The following SEPTIN9 variants were observed in gnomAD, a reference collection of about 807,000 sequenced individuals.
SEPTIN9 encodes septin-9.
Under a neutral mutation model 56.6 loss-of-function variants are expected in SEPTIN9, and 13 were observed. The ratio of observed to expected loss-of-function variants is 0.23; its 90% CI spans 0.15 to 0.37. SEPTIN9 has a LOEUF of 0.37. SEPTIN9 is among the 10% of genes least tolerant of loss of function. The pLI, the probability that SEPTIN9 is intolerant of heterozygous loss-of-function variation, is 1.00. For synonymous variants in SEPTIN9, 332 were observed against 334.1 expected, an observed-to-expected ratio of 0.99 and a Z score of 0.07; for missense variants, 650 against 823.1, an observed-to-expected ratio of 0.79 and a Z score of 2.57.
At chr17:77,344,696 G>A (rs1388606841) in intron 2 of SEPTIN9, among the ~76,000 whole-genome samples, 1 of 152,214 alleles carries the variant, frequency 6.6e-6, no homozygotes, top group African/African-American at 2.4e-5. Flanking sequence ...GAGAGGCCAG[G>A]TGTGGTGGCT....
chr17:77,339,866 C>A (rs372113253), intron 2 of SEPTIN9, among the ~76,000 whole-genome samples: 21 of 151,822 alleles, frequency 1.4e-4, no homozygotes, highest in African/African-American at 5.1e-4. Context: ...CGCTTTGTTG[C>A]CTAGACTGGA....
chr17:77,482,415 C>T lies in SEPTIN9; in HGVS notation c.913+80C>T, dbSNP rs543772032. The T allele has an allele frequency of 6.4e-6, 9 of 1,413,602 alleles. No homozygotes were observed. In the South Asian group the frequency reaches 9.5e-5, roughly 15 times the overall value. The allele number at this position is 1,413,602 out of a possible 1,614,324, so 87.6% of individuals were successfully genotyped here. On this transcript the variant is annotated intron_variant, in intron 4 of 11. Coordinates refer to ENST00000427177, the MANE Select transcript of SEPTIN9 (RefSeq NM_001113491.2). The stretch of plus-strand genomic sequence containing the variant: ...CCAGGGCGGCCCACAAGCCTTTGGG[C>T]TTGGTCTTCCCTTCTGTAAAATGGG...
intron 2 of SEPTIN9, among the ~76,000 whole-genome samples, chr17:77,314,080 A>G (rs1598178793): frequency 6.6e-6 from 1 of 152,236 alleles, no homozygotes; most frequent in Non-Finnish European, 1.5e-5. Context: ...ACAGCCCTGT[A>G]GTTCCAGCTA....
chr17:77,408,243 G>A (rs913030412), intron 3 of SEPTIN9, among the ~76,000 whole-genome samples: 1 of 152,226 alleles, frequency 6.6e-6, no homozygotes, highest in East Asian at 1.9e-4. Context: ...ATCTGCAGAG[G>A]TGGCTGGGGG....
intron 3 of SEPTIN9, chr17:77,446,826 T>A (rs1164625301): frequency 1.2e-5 from 2 of 167,088 alleles, no homozygotes; most frequent in Middle Eastern, 3.1e-3. Context: ...GCCCTTCTGA[T>A]TTTAAGATAT....
Position 77,330,062 on chromosome 17 carries a change from C to T in SEPTIN9, c.76+22865C>T, listed in dbSNP as rs1033492793. ...CACCTTCTGCTTCCTTCCTCTCCCT[C>T]GGAATGGGGGGTGGACACTCCAAGA... On this transcript the variant is annotated intron_variant, in intron 2 of 11. Coordinates refer to ENST00000427177, the MANE Select transcript of SEPTIN9 (RefSeq NM_001113491.2). The surrounding 1 kb of genome is among the most constrained non-coding windows in gnomAD (Gnocchi z 4.4). Among the ~76,000 whole-genome samples, 3 of 152,208 alleles carry T rather than the reference C, an allele frequency of 2.0e-5. No individual in the cohort carries two copies. Among genetic ancestry groups the T allele is most frequent in the South Asian group, 2.1e-4 (1 of 4,834 alleles).
In SEPTIN9 at chr17:77,389,334, C is replaced by T. The variant is rs558934119; in HGVS notation, c.77-12725C>T. Among the ~76,000 whole-genome samples, 6 of 152,118 alleles carry T rather than the reference C, an allele frequency of 3.9e-5. No homozygotes were observed. The South Asian group carries it at 1.2e-3, about 32-fold the overall frequency. On this transcript the variant is annotated intron_variant, in intron 2 of 11. Coordinates refer to ENST00000427177, the MANE Select transcript of SEPTIN9 (RefSeq NM_001113491.2). The surrounding 1 kb of genome is among the most constrained non-coding windows in gnomAD (Gnocchi z 4.3). ...TGGGGACGAGGGGGCTATGAGCAGA[C>T]CAGGAGCCAGCATCACGTTTCTCTG...
intron 11 of SEPTIN9, 55 bp downstream of exon 11, chr17:77,497,421 A>C: frequency 6.5e-7 from 1 of 1,547,632 alleles, no homozygotes; most frequent in Non-Finnish European, 8.9e-7. Context: ...AGAGGGCCCT[A>C]CAGCGGGTGG....
chr17:77,390,932 G>A (rs115091715), intron 2 of SEPTIN9, among the ~76,000 whole-genome samples: 1,607 of 152,282 alleles, frequency 0.011, 30 homozygotes, highest in African/African-American at 0.037. Context: ...ATGTGAGCTG[G>A]GTTTGTCCCA....
rs189425157 is a variant in SEPTIN9, at chr17:77,428,664, C to T, written c.721+25961C>T. On this transcript the variant is annotated intron_variant, in intron 3 of 11. Transcript: ENST00000427177. ...AGGGCACTAACCCTGGGTCACACAG[C>T]GACAGCTCAGGCTACAGAGAGCAGT... is the stretch of plus-strand genomic sequence containing the variant. Among the ~76,000 whole-genome samples, 26 of 152,236 alleles carry T rather than the reference C, an allele frequency of 1.7e-4. No individual in the cohort carries two copies. In the East Asian group the frequency reaches 3.9e-3, roughly 23 times the overall value.
chr17:77,384,854 C>CACACAT (rs1206445220), intron 2 of SEPTIN9, among the ~76,000 whole-genome samples: 3 of 135,634 alleles, frequency 2.2e-5, no homozygotes, highest in African/African-American at 8.0e-5. Context: ...CACACACACA[C>CACACAT]ACACACACAC....
chr17:77,392,764 C>T (rs897035439), intron 2 of SEPTIN9, among the ~76,000 whole-genome samples: 2 of 152,122 alleles, frequency 1.3e-5, no homozygotes, highest in Non-Finnish European at 2.9e-5. Flanking sequence ...GCCTCCTCCG[C>T]CTTGATGTGG....
intron 4 of SEPTIN9, among the ~76,000 whole-genome samples, chr17:77,486,279 T>A (rs976080601): frequency 6.6e-6 from 1 of 151,720 alleles, no homozygotes; most frequent in African/African-American, 2.4e-5. Context: ...ATGTTTACAT[T>A]TTGATGTAGA....
chr17:77,282,836 C>T (rs1031778939), intron 1 of SEPTIN9, among the ~76,000 whole-genome samples: 4 of 152,230 alleles, frequency 2.6e-5, no homozygotes, highest in Admixed American at 2.6e-4. Flanking sequence ...CCCCAACATG[C>T]TCCAAATACT....
chr17:77,370,788 G>A (rs1106835), intron 2 of SEPTIN9, among the ~76,000 whole-genome samples: 61,876 of 151,646 alleles, frequency 0.41, 13,000 homozygotes, highest in African/African-American at 0.48. Flanking sequence ...GGGGGTGGAG[G>A]GCCTCCTCAC....
chr17:77,377,615 G>C (rs940913671), intron 2 of SEPTIN9, among the ~76,000 whole-genome samples: 1 of 152,284 alleles, frequency 6.6e-6, no homozygotes, highest in African/African-American at 2.4e-5. Flanking sequence ...TCTGTGTTCT[G>C]GAGGCAGAGC....
At chr17:77,373,341 A>C (rs1005763004) in intron 2 of SEPTIN9, 4 of 1,176,804 alleles carry the variant, frequency 3.4e-6, no homozygotes, top group Non-Finnish European at 4.2e-6. Flanking sequence ...TCCCCCATTC[A>C]TTCAGCTGAG....
chr17:77,353,406 A>C (rs2034122761), intron 2 of SEPTIN9, among the ~76,000 whole-genome samples: 1 of 152,182 alleles, frequency 6.6e-6, no homozygotes, highest in African/African-American at 2.4e-5. Flanking sequence ...GACTCTTTAC[A>C]GAAAGAGGTG....
chr17:77,450,720 G>T lies in SEPTIN9; in HGVS notation c.722-31424G>T. ...TCACTGGCCAGGTCCCCCAGGGGCTGGAGAGGCTGGAGAGGCAGGAGCTGG... is the reference window on the plus strand; with the variant it reads ...TCACTGGCCAGGTCCCCCAGGGGCTTGAGAGGCTGGAGAGGCAGGAGCTGG... On this transcript the variant is annotated intron_variant, in intron 3 of 11. Transcript: ENST00000427177. This position sits in a 1 kb window ranked among gnomAD's most constrained non-coding sequence, Gnocchi z 6.0. 4 of 986,144 alleles carry T rather than the reference G, an allele frequency of 4.1e-6. No homozygotes were observed. Among genetic ancestry groups the T allele is most frequent in the Non-Finnish European group, 3.6e-6 (3 of 830,594 alleles). The allele number at this position is 986,144 out of a possible 1,614,324, so 61.1% of individuals were successfully genotyped here.
Sources: gnomAD v4.1 joint callset for allele counts (sites outside exome capture counted in the v4.1 genomes callset) on GRCh38, gnomAD v4.1.1 for gene constraint, Gnocchi (gnomAD v3.1) non-coding constraint, MANE v1.5 for transcripts, NCBI Gene and HGNC (gene_info 2026-07-23, HGNC 2026-07-21) for gene names.